The following TMC2 variants were observed in gnomAD, a reference collection of about 807,000 sequenced individuals.
The protein encoded by TMC2 is transmembrane channel-like protein 2.
Under a neutral mutation model 105.9 loss-of-function variants are expected in TMC2, and 102 were observed. The observed-to-expected ratio is 0.96, with a 90% CI of 0.82 to 1.14. The LOEUF is 1.14. Among genes scored for constraint, TMC2 ranks in the 50% most tolerant of loss-of-function variants. The pLI, the probability that TMC2 is intolerant of heterozygous loss-of-function variation, is 0.00. For missense variants in TMC2, 1,093 were observed against 1,134.3 expected (o/e 0.96, Z 0.52); for synonymous variants, 402 against 422.8 (o/e 0.95, Z 0.60).
chr20:2,550,818 G>T (rs2085952215), intron 2 of TMC2, among the ~76,000 whole-genome samples: 1 of 152,162 alleles, frequency 6.6e-6, no homozygotes, highest in South Asian at 2.1e-4. Flanking sequence ...TCGCTTGAAA[G>T]TTCATTTCAT....
chr20:2,576,763 A>G (rs1387499010), intron 5 of TMC2, among the ~76,000 whole-genome samples: 2 of 152,112 alleles, frequency 1.3e-5, no homozygotes, highest in African/African-American at 4.8e-5. Context: ...CATCATCCCA[A>G]TTCCTATCTG....
chr20:2,617,258 G>C lies in TMC2; in HGVS notation c.2127G>C (p.Pro709=), dbSNP rs757980966. The change falls in exon 16 of 20, where the codon CCG becomes CCC. Residue 709 remains proline (P), a synonymous_variant. Coordinates refer to ENST00000358864, the MANE Select transcript of TMC2 (RefSeq NM_080751.3). ...LLLVLFLSLL[P]VAYTIMSLPP... ...TGGTGCTCTTCCTCAGCCTCCTGCC[G>C]GTGGCCTACACCATCATGTCCCTCC... 6.2e-7 allele frequency: 1 copy of C among 1,614,160 alleles called. No individual in the cohort carries two copies. Among genetic ancestry groups the C allele is most frequent in the East Asian group, 2.2e-5 (1 of 44,872 alleles).
intron 2 of TMC2, among the ~76,000 whole-genome samples, chr20:2,539,810 T>A (rs6083580): frequency 6.6e-6 from 1 of 151,868 alleles, no homozygotes; most frequent in Non-Finnish European, 1.5e-5. Context: ...GGATAAATTA[T>A]GCAAAAATAG....
At chr20:2,585,463 A>G (rs2086225288) in intron 7 of TMC2, among the ~76,000 whole-genome samples, 1 of 152,128 alleles carries the variant, frequency 6.6e-6, no homozygotes, top group African/African-American at 2.4e-5. Flanking sequence ...TACAACAACC[A>G]TTTATTATTA....
intron 13 of TMC2, 97 bp from the exon 14 acceptor site, chr20:2,613,097 T>G: frequency 6.7e-7 from 1 of 1,483,514 alleles, no homozygotes; most frequent in Non-Finnish European, 9.1e-7. Flanking sequence ...GTCAGGTGGG[T>G]GGGGGAGAGT....
Position 2,642,939 on chromosome 20 carries a change from C to T in TMC2, c.*1588C>T, listed in dbSNP as rs2086698555. Among the ~76,000 whole-genome samples the T allele has an allele frequency of 6.6e-6, 1 of 152,098 alleles. No individual in the cohort carries two copies. Among genetic ancestry groups the T allele is most frequent in the Admixed American group, 6.6e-5 (1 of 15,264 alleles). ...CCAGACTCAGAAAGTCAGGCAAAGCCCTGGCAGAGAGACGAAGATTTTTAC... is the reference window on the plus strand; with the variant it reads ...CCAGACTCAGAAAGTCAGGCAAAGCTCTGGCAGAGAGACGAAGATTTTTAC... On this transcript the variant is annotated 3_prime_UTR_variant, in exon 20 of 20. Transcript: ENST00000358864.
At chr20:2,601,666 C>A (rs1600123583) in intron 10 of TMC2, among the ~76,000 whole-genome samples, 1 of 151,976 alleles carries the variant, frequency 6.6e-6, no homozygotes. Flanking sequence ...CATGGAGAAA[C>A]CCCATCTCTA....
At chr20:2,557,412 A>G (rs2085991441) in intron 2 of TMC2, among the ~76,000 whole-genome samples, 1 of 151,790 alleles carries the variant, frequency 6.6e-6, no homozygotes, top group Non-Finnish European at 1.5e-5. Flanking sequence ...TTTGGTTTTT[A>G]CCATTTCTTT....
intron 12 of TMC2, among the ~76,000 whole-genome samples, chr20:2,611,470 A>G (rs183315439): frequency 1.3e-5 from 2 of 152,166 alleles, no homozygotes; most frequent in African/African-American, 4.8e-5. Flanking sequence ...GCAAAATTCT[A>G]TCTTGCCTCT....
intron 17 of TMC2, among the ~76,000 whole-genome samples, chr20:2,633,384 C>A (rs1051336609): frequency 6.6e-6 from 1 of 152,186 alleles, no homozygotes; most frequent in African/African-American, 2.4e-5. Context: ...TCTATAGATT[C>A]CCAGGAATAT....
intron 5 of TMC2, among the ~76,000 whole-genome samples, chr20:2,576,454 C>T (rs2086145083): frequency 6.6e-6 from 1 of 152,162 alleles, no homozygotes; most frequent in South Asian, 2.1e-4. Context: ...AGGTGGTTGC[C>T]AAGGAACCGA....
intron 6 of TMC2, among the ~76,000 whole-genome samples, chr20:2,579,540 A>T (rs747631947): frequency 2.0e-5 from 3 of 149,858 alleles, no homozygotes; most frequent in Non-Finnish European, 3.0e-5. Context: ...TTCTGTCTCA[A>T]CCTCCTGAGT....
At chr20:2,606,506 T>G (rs1444692667) in intron 11 of TMC2, among the ~76,000 whole-genome samples, 3 of 152,184 alleles carry the variant, frequency 2.0e-5, no homozygotes, top group African/African-American at 7.2e-5. Context: ...GTGATCTGCC[T>G]GCCTCAGCCT....
rs752849877 is a variant in TMC2, at chr20:2,616,207, G to A, written c.1940+3G>A. Reference sequence around the variant, plus strand: ...ATCTTCAACCAAGGAATGATCTGGTGAGTTATCCATTTCATCTGGTGATCG... The same window carrying A: ...ATCTTCAACCAAGGAATGATCTGGTAAGTTATCCATTTCATCTGGTGATCG... On this transcript the variant is annotated splice_donor_region_variant and intron_variant, in intron 15 of 19. Transcript: ENST00000358864. This position sits in a 1 kb window ranked among gnomAD's most constrained non-coding sequence, Gnocchi z 4.8. 1.2e-6 allele frequency: 2 copies of A among 1,611,614 alleles called. No individual in the cohort carries two copies. Among genetic ancestry groups the A allele is most frequent in the Non-Finnish European group, 1.7e-6 (2 of 1,177,786 alleles).
intron 16 of TMC2, among the ~76,000 whole-genome samples, chr20:2,623,629 A>G (rs1272207009): frequency 1.3e-5 from 2 of 152,192 alleles, no homozygotes; most frequent in Non-Finnish European, 2.9e-5. Flanking sequence ...AGGAATTTCA[A>G]ACCCCGTATT....
intron 17 of TMC2, among the ~76,000 whole-genome samples, chr20:2,628,973 G>A (rs2086583621): frequency 1.3e-5 from 2 of 151,332 alleles, no homozygotes; most frequent in South Asian, 2.1e-4. Flanking sequence ...GTGGTGGCGG[G>A]CGCCTGTGGT....
intron 17 of TMC2, among the ~76,000 whole-genome samples, chr20:2,625,214 CT>C (rs34662602): frequency 6.6e-6 from 1 of 152,224 alleles, no homozygotes; most frequent in East Asian, 1.9e-4. Flanking sequence ...TTTTGGCATG[CT>C]TTTTTAAAAA....
At chr20:2,597,094 TGG>T in intron 9 of TMC2, 55 bp from the exon 10 acceptor site, 1 of 1,577,008 alleles carries the variant, frequency 6.3e-7, no homozygotes, top group South Asian at 1.1e-5. Flanking sequence ...CAAGGTTCCC[TGG>T]GGGTGACACA....
chr20:2,552,328 G>A (rs542081371), intron 2 of TMC2, among the ~76,000 whole-genome samples: 1 of 152,280 alleles, frequency 6.6e-6, no homozygotes, highest in African/African-American at 2.4e-5. Flanking sequence ...GATTTTGATT[G>A]AAATCGCATT....
Sources: allele counts gnomAD v4.1 joint callset (sites outside exome capture counted in the v4.1 genomes callset), GRCh38; gene constraint gnomAD v4.1.1; non-coding constraint Gnocchi (gnomAD v3.1); transcripts MANE v1.5; gene names NCBI Gene and HGNC (gene_info 2026-07-23, HGNC 2026-07-21).